Variants in CA1 observed in about 807,000 individuals in gnomAD.
CA1 encodes carbonate dehydratase I.
A neutral mutation model predicts 28.8 loss-of-function variants in CA1; 27 were observed. The ratio of observed to expected loss-of-function variants is 0.94; its 90% CI spans 0.69 to 1.29. The LOEUF is 1.29. Among genes scored for constraint, CA1 ranks in the 50% most tolerant of loss-of-function variants. CA1 has a pLI of 0.00. For missense variants in CA1, 335 were observed against 310.5 expected (o/e 1.08, Z -0.59); for synonymous variants, 121 against 108.8 (o/e 1.11, Z -0.70).
intron 1 of CA1, among the ~76,000 whole-genome samples, chr8:85,370,603 G>A (rs1381314481): frequency 6.6e-6 from 1 of 151,842 alleles, no homozygotes; most frequent in Admixed American, 6.6e-5. Context: ...CAGTAGAGAT[G>A]CTTTTTATTT....
At chr8:85,356,799 GTGCAGA>G (rs1564039583) in intron 1 of CA1, among the ~76,000 whole-genome samples, 1 of 152,170 alleles carries the variant, frequency 6.6e-6, no homozygotes, top group East Asian at 1.9e-4. Flanking sequence ...AGAAAATAAG[GTGCAGA>G]TGAATCTCCT....
chr8:85,377,708 CA>C (rs1430776205), intron 1 of CA1, among the ~76,000 whole-genome samples: 1 of 151,260 alleles, frequency 6.6e-6, no homozygotes, highest in East Asian at 1.9e-4. Flanking sequence ...GAGGCTGAGG[CA>C]GGAGAATCAC....
At chr8:85,368,896 A>G (rs912997586) in intron 1 of CA1, among the ~76,000 whole-genome samples, 3 of 152,100 alleles carry the variant, frequency 2.0e-5, no homozygotes, top group South Asian at 2.1e-4. Context: ...CAGATTTTCT[A>G]CTTGAAGCAG....
At chr8:85,331,969 C>T (rs986829470) in intron 6 of CA1, among the ~76,000 whole-genome samples, 1 of 152,068 alleles carries the variant, frequency 6.6e-6, no homozygotes, top group Non-Finnish European at 1.5e-5. Context: ...GACAGTTCTC[C>T]ATGCTGCAAA....
chr8:85,335,431 A>G (rs1479457313), intron 4 of CA1, among the ~76,000 whole-genome samples: 1 of 152,136 alleles, frequency 6.6e-6, no homozygotes, highest in African/African-American at 2.4e-5. Context: ...TAGATTCTCT[A>G]TATAGGAATA....
intron 1 of CA1, among the ~76,000 whole-genome samples, chr8:85,358,613 A>G (rs756381241): frequency 6.6e-6 from 1 of 152,218 alleles, no homozygotes; most frequent in Non-Finnish European, 1.5e-5. Flanking sequence ...GTTGATGCTA[A>G]TGGCCTCCAA....
intron 1 of CA1, among the ~76,000 whole-genome samples, chr8:85,367,181 C>A (rs1433398348): frequency 6.6e-6 from 1 of 151,446 alleles, no homozygotes; most frequent in African/African-American, 2.4e-5. Flanking sequence ...TTGTTTTAAC[C>A]AATAAAAAAA....
chr8:85,365,193 T>C (rs1809958007), intron 1 of CA1, among the ~76,000 whole-genome samples: 1 of 152,220 alleles, frequency 6.6e-6, no homozygotes, highest in Admixed American at 6.5e-5. Context: ...TGTGAGACGA[T>C]ATTACATTAA....
chr8:85,353,745 A>G (rs1433186694), intron 1 of CA1, among the ~76,000 whole-genome samples: 3 of 151,922 alleles, frequency 2.0e-5, no homozygotes, highest in East Asian at 3.9e-4. Context: ...TCCTCAATCA[A>G]TGGGCATTTA....
intron 1 of CA1, among the ~76,000 whole-genome samples, chr8:85,353,084 G>C (rs566799341): frequency 1.3e-5 from 2 of 152,350 alleles, no homozygotes; most frequent in South Asian, 4.1e-4. Context: ...AAAGGGCACT[G>C]TGTGCTCTCC....
rs116866430 is a variant in CA1 at position 85,333,298 on chromosome 8, T to G, written c.450+227A>C. 7.1e-3 allele frequency among the ~76,000 whole-genome samples: 1,084 copies of G among 152,296 alleles called. 5 individuals carry two copies. Among genetic ancestry groups the G allele is most frequent in the Middle Eastern group, 0.027 (8 of 294 alleles). On this transcript the variant is annotated intron_variant, in intron 5 of 7. Coordinates refer to ENST00000523022, the MANE Select transcript of CA1 (RefSeq NM_001128831.4). ...AAATTCCTTTTTCCCTGTGAACACATTTCTATCTCACCTCCACCTGAAACT... is the reference window on the plus strand; with the variant it reads ...AAATTCCTTTTTCCCTGTGAACACAGTTCTATCTCACCTCCACCTGAAACT...
intron 1 of CA1, among the ~76,000 whole-genome samples, chr8:85,352,777 G>A (rs940018732): frequency 4.6e-5 from 7 of 151,000 alleles, no homozygotes; most frequent in African/African-American, 9.7e-5. Context: ...AGTGATTCTC[G>A]TGCCTCAGCC....
At chr8:85,340,872 T>A (rs534510127) in intron 2 of CA1, 21 of 152,538 alleles carry the variant, frequency 1.4e-4, no homozygotes, top group Admixed American at 1.3e-3. Context: ...TGGCTGGGCG[T>A]GGTGGCTCAT....
rs767885090 is a variant in CA1, at chr8:85,328,451, G to C, written c.*109C>G. ...TTACAGATTGATTTGAAGGCATGCTGTCTTGCTAATATTGAAATAAATTTA... is the reference window on the plus strand; with the variant it reads ...TTACAGATTGATTTGAAGGCATGCTCTCTTGCTAATATTGAAATAAATTTA... On this transcript the variant is annotated 3_prime_UTR_variant, in exon 8 of 8. Coordinates refer to ENST00000523022, the MANE Select transcript of CA1 (RefSeq NM_001128831.4). 8 of 705,308 alleles carry C rather than the reference G, an allele frequency of 1.1e-5. No individual in the cohort carries two copies. The highest frequency in any genetic ancestry group is 2.8e-5 in the East Asian group (1 of 35,714). The allele number at this position is 705,308 out of a possible 1,614,324, so 43.7% of individuals were successfully genotyped here. A position where few individuals can be genotyped will look rare whatever the true frequency, so the allele number is the denominator to read the frequency against.
chr8:85,341,234 T>A (rs1051927890), intron 2 of CA1: 4 of 170,498 alleles, frequency 2.3e-5, no homozygotes, highest in African/African-American at 9.5e-5. Context: ...GTAGATTTTT[T>A]AAACATGCTA....
intron 1 of CA1, among the ~76,000 whole-genome samples, chr8:85,367,293 A>G (rs1348020069): frequency 6.6e-6 from 1 of 152,164 alleles, no homozygotes; most frequent in Non-Finnish European, 1.5e-5. Context: ...ATTGCCTTAT[A>G]AAATTGGAAA....
intron 1 of CA1, among the ~76,000 whole-genome samples, chr8:85,344,907 T>C (rs1201648402): frequency 6.6e-6 from 1 of 152,196 alleles, no homozygotes; most frequent in Non-Finnish European, 1.5e-5. Context: ...ATAATGTCAT[T>C]GTTGACTATT....
chr8:85,366,462 A>T (rs770264117), intron 1 of CA1, among the ~76,000 whole-genome samples: 2 of 152,210 alleles, frequency 1.3e-5, no homozygotes, highest in Non-Finnish European at 2.9e-5. Flanking sequence ...AAAAACATAG[A>T]TCAAAACAAT....
chr8:85,364,628 C>T (rs991138702), intron 1 of CA1, among the ~76,000 whole-genome samples: 2 of 152,144 alleles, frequency 1.3e-5, no homozygotes, highest in African/African-American at 4.8e-5. Flanking sequence ...ACTAAAGTAA[C>T]AGAATTTTTA....
Sources: gnomAD v4.1 joint callset for allele counts (sites outside exome capture counted in the v4.1 genomes callset) on GRCh38, gnomAD v4.1.1 for gene constraint, MANE v1.5 for transcripts, NCBI Gene and HGNC (gene_info 2026-07-23, HGNC 2026-07-21) for gene names.